The following CGB5 variants were observed in gnomAD, a reference collection of about 807,000 sequenced individuals.
The protein encoded by CGB5 is chorionic gonadotropin, beta polypeptide 5.
CGB5 carries 2 observed loss-of-function variants against 7.6 expected under a neutral mutation model. The ratio of observed to expected loss-of-function variants is 0.26; its 90% CI spans 0.11 to 0.83. CGB5 has a LOEUF of 0.83. Among genes scored for constraint, CGB5 ranks in the 40% least tolerant of loss-of-function variants. The pLI, the probability that CGB5 is intolerant of heterozygous loss-of-function variation, is 0.65. For missense variants in CGB5, 48 were observed against 228.2 expected (o/e 0.21, Z 5.09); for synonymous variants, 25 against 99.8 (o/e 0.25, Z 4.47).
At position 49,044,051 on chromosome 19, in the gene CGB5, G is replaced by A. The variant is rs1387407872; in HGVS notation, c.-159G>A. The A allele has an allele frequency of 2.3e-5, 27 of 1,195,262 alleles. No individual in the cohort carries two copies. In the South Asian group the frequency reaches 2.3e-4, roughly 10 times the overall value. The allele number at this position is 1,195,262 out of a possible 1,614,324, so 74.0% of individuals were successfully genotyped here. A position where few individuals can be genotyped will look rare whatever the true frequency, so the allele number is the denominator to read the frequency against. On this transcript the variant is annotated 5_prime_UTR_variant, in exon 1 of 3. Coordinates refer to ENST00000301408, the MANE Select transcript of CGB5 (RefSeq NM_033043.2). ...TGAGAGGAGAGGGCTGGGGCGCTCCGCTGAGCCACTCCTGCGCCCCCCTGG... is the reference window on the plus strand; with the variant it reads ...TGAGAGGAGAGGGCTGGGGCGCTCCACTGAGCCACTCCTGCGCCCCCCTGG...
In CGB5 at chr19:49,044,960, C is replaced by G. The variant is rs753966120; in HGVS notation, c.184-20C>G. 6.4e-5 allele frequency: 102 copies of G among 1,590,356 alleles called. 1 individual carries two copies. Among genetic ancestry groups the G allele is most frequent in the Non-Finnish European group, 7.1e-5 (84 of 1,176,630 alleles). ...CTGGCCCCAGGCACATGCTCATTCC[C>G]CCACTCACACGGCTTCCAGACCCGC... On this transcript the variant is annotated intron_variant, in intron 2 of 2. Coordinates refer to ENST00000301408, the MANE Select transcript of CGB5 (RefSeq NM_033043.2).
chr19:49,044,071 C>G lies in CGB5; in HGVS notation c.-139C>G. 6.8e-7 allele frequency: 1 copy of G among 1,469,534 alleles called. No individual in the cohort carries two copies. The highest frequency in any genetic ancestry group is 9.4e-7 in the Non-Finnish European group (1 of 1,059,416). 91.0% of individuals were successfully genotyped at this position (1,469,534 alleles called of 1,614,324 possible). ...GCTCCGCTGAGCCACTCCTGCGCCC[C>G]CCTGGCCTTGTCTACCTCTTGCCCC... On this transcript the variant is annotated 5_prime_UTR_variant, in exon 1 of 3. Coordinates refer to ENST00000301408, the MANE Select transcript of CGB5 (RefSeq NM_033043.2).
chr19:49,044,424 G>C (rs62126047), intron 1 of CGB5, 153 bp from the exon 2 acceptor site: 1 of 941,510 alleles, frequency 1.1e-6, no homozygotes, highest in Non-Finnish European at 1.3e-6. Flanking sequence ...TGTGGGGTGG[G>C]CTCTGAAAGG....
At position 49,043,973 on chromosome 19, in the gene CGB5, G is replaced by C. The variant is rs1600229598; in HGVS notation, c.-237G>C. ...CTAGTCCCTAGCACTCGACGACTGA[G>C]TCTCTGAGATCACTTCACCGTGGTC... is the stretch of plus-strand genomic sequence containing the variant. On this transcript the variant is annotated 5_prime_UTR_variant, in exon 1 of 3. Coordinates refer to ENST00000301408, the MANE Select transcript of CGB5 (RefSeq NM_033043.2). The C allele has an allele frequency of 1.6e-5, 20 of 1,230,782 alleles. No individual in the cohort carries two copies. Among genetic ancestry groups the C allele is most frequent in the Non-Finnish European group, 2.2e-5 (20 of 905,164 alleles). The allele number at this position is 1,230,782 out of a possible 1,614,324, so 76.2% of individuals were successfully genotyped here.
Position 49,044,155 on chromosome 19 carries a change from C to T in CGB5, c.-55C>T, listed in dbSNP as rs1439829952. ...CTACAACCTCCTGGTGGCCTTGCCG[C>T]CCCCACAACCCCGAGGTATAAAGCC... On this transcript the variant is annotated 5_prime_UTR_variant, in exon 1 of 3. Transcript: ENST00000301408. 11 of 1,613,792 alleles carry T rather than the reference C, an allele frequency of 6.8e-6. No homozygotes were observed. Among genetic ancestry groups the T allele is most frequent in the East Asian group, 4.5e-5 (2 of 44,890 alleles).
At position 49,044,165 on chromosome 19, in the gene CGB5, C is replaced by T. The variant is rs763467014; in HGVS notation, c.-45C>T. On this transcript the variant is annotated 5_prime_UTR_variant, in exon 1 of 3. Transcript: ENST00000301408. ...CTGGTGGCCTTGCCGCCCCCACAACCCCGAGGTATAAAGCCAGGTACACGA... is the reference window on the plus strand; with the variant it reads ...CTGGTGGCCTTGCCGCCCCCACAACTCCGAGGTATAAAGCCAGGTACACGA... The T allele has an allele frequency of 6.2e-7, 1 of 1,613,840 alleles. No homozygotes were observed.
chr19:49,044,161 CA>C lies in CGB5; in HGVS notation c.-47del, dbSNP rs755636942. ...CCTCCTGGTGGCCTTGCCGCCCCCA[CA>C]ACCCCGAGGTATAAAGCCAGGTACA... On this transcript the variant is annotated 5_prime_UTR_variant, in exon 1 of 3. Coordinates refer to ENST00000301408, the MANE Select transcript of CGB5 (RefSeq NM_033043.2). 1 of 1,613,850 alleles carries C rather than the reference CA, an allele frequency of 6.2e-7. No homozygotes were observed. The highest frequency in any genetic ancestry group is 1.3e-5 in the African/African-American group (1 of 74,914).
rs1014718309 is a variant in CGB5 at position 49,044,077 on chromosome 19, C to G, written c.-133C>G. 25 of 1,520,342 alleles carry G rather than the reference C, an allele frequency of 1.6e-5. No individual in the cohort carries two copies. The Admixed American group carries it at 4.1e-4, about 25-fold the overall frequency. The allele number at this position is 1,520,342 out of a possible 1,614,324, so 94.2% of individuals were successfully genotyped here. A position where few individuals can be genotyped will look rare whatever the true frequency, so the allele number is the denominator to read the frequency against. On this transcript the variant is annotated 5_prime_UTR_variant, in exon 1 of 3. Coordinates refer to ENST00000301408, the MANE Select transcript of CGB5 (RefSeq NM_033043.2). ...CTGAGCCACTCCTGCGCCCCCCTGGCCTTGTCTACCTCTTGCCCCCCGAAG... is the reference window on the plus strand; with the variant it reads ...CTGAGCCACTCCTGCGCCCCCCTGGGCTTGTCTACCTCTTGCCCCCCGAAG...
rs374178699 is a variant in CGB5 at position 49,045,309 on chromosome 19, G to T, written c.*15G>T. ...TCCCACAATAAAGGCTTCTCAATCCGCACTCTGGAGGTGTCTTTCTGTGGG... is the reference window on the plus strand; with the variant it reads ...TCCCACAATAAAGGCTTCTCAATCCTCACTCTGGAGGTGTCTTTCTGTGGG... On this transcript the variant is annotated 3_prime_UTR_variant, in exon 3 of 3. Coordinates refer to ENST00000301408, the MANE Select transcript of CGB5 (RefSeq NM_033043.2). 9 of 1,611,140 alleles carry T rather than the reference G, an allele frequency of 5.6e-6. No homozygotes were observed. Among genetic ancestry groups the T allele is most frequent in the Non-Finnish European group, 7.6e-6 (9 of 1,179,662 alleles).
In CGB5 at chr19:49,043,982, A is replaced by G. The variant is rs62126046; in HGVS notation, c.-228A>G. Reference sequence around the variant, plus strand: ...AGCACTCGACGACTGAGTCTCTGAGATCACTTCACCGTGGTCTCCGCCTCA... The same window carrying G: ...AGCACTCGACGACTGAGTCTCTGAGGTCACTTCACCGTGGTCTCCGCCTCA... On this transcript the variant is annotated 5_prime_UTR_variant, in exon 1 of 3. Transcript: ENST00000301408. 122,998 of 1,131,322 alleles carry G rather than the reference A, an allele frequency of 0.11. 7,130 individuals carry two copies. The highest frequency in any genetic ancestry group is 0.17 in the Admixed American group (5,853 of 35,182). 70.1% of individuals were successfully genotyped at this position (1,131,322 alleles called of 1,614,324 possible).
intron 2 of CGB5, 99 bp from the exon 3 acceptor site, chr19:49,044,881 C>T (rs1399068882): frequency 7.0e-6 from 11 of 1,570,520 alleles, no homozygotes; most frequent in Non-Finnish European, 9.4e-6. Context: ...AGAGGGCTTC[C>T]CGGACCCCTG....
chr19:49,043,931 T>A lies in CGB5; in HGVS notation c.-279T>A, dbSNP rs1475488107. On this transcript the variant is annotated 5_prime_UTR_variant, in exon 1 of 3. Coordinates refer to ENST00000301408, the MANE Select transcript of CGB5 (RefSeq NM_033043.2). ...GCAGGCCTTCCTACACCCTACTCCCTGTGCCTCCAGGCTCGACTAGTCCCT... is the reference window on the plus strand; with the variant it reads ...GCAGGCCTTCCTACACCCTACTCCCAGTGCCTCCAGGCTCGACTAGTCCCT... The A allele has an allele frequency of 7.7e-5, 90 of 1,164,620 alleles. No homozygotes were observed. In the South Asian group the frequency reaches 8.5e-4, roughly 11 times the overall value. 72.1% of individuals were successfully genotyped at this position (1,164,620 alleles called of 1,614,324 possible). A position where few individuals can be genotyped will look rare whatever the true frequency, so the allele number is the denominator to read the frequency against.
chr19:49,044,098 C>A lies in CGB5; in HGVS notation c.-112C>A. ...CTGGCCTTGTCTACCTCTTGCCCCC[C>A]GAAGGGTTAGTGTCGAGCTCACCCC... On this transcript the variant is annotated 5_prime_UTR_variant, in exon 1 of 3. Coordinates refer to ENST00000301408, the MANE Select transcript of CGB5 (RefSeq NM_033043.2). 4 of 1,605,128 alleles carry A rather than the reference C, an allele frequency of 2.5e-6. No homozygotes were observed. Among genetic ancestry groups the A allele is most frequent in the African/African-American group, 1.3e-5 (1 of 74,532 alleles).
At position 49,044,214 on chromosome 19, in the gene CGB5, A is replaced by C; in HGVS notation, c.5A>C (p.Glu2Ala). The C allele has an allele frequency of 6.2e-7, 1 of 1,613,526 alleles. No homozygotes were observed. Among genetic ancestry groups the C allele is most frequent in the Non-Finnish European group, 8.5e-7 (1 of 1,179,826 alleles). The change falls in exon 1 of 3, where the codon GAG becomes GCG. Residue 2 changes from glutamate to alanine, a missense_variant. Glu to Ala is a moderately radical substitution (Grantham distance 107, BLOSUM62 -1). Transcript: ENST00000301408. The stretch of plus-strand genomic sequence containing the variant: ...GAGGCAGGGGACGCACCAAGGATGG[A>C]GATGTTCCAGGTAAGACTGCAGGGC... M[E>A]MFQGLLLLLL...
intron 1 of CGB5, 159 bp downstream of exon 1, chr19:49,044,383 G>C (rs397842424): frequency 3.1e-6 from 3 of 983,062 alleles, no homozygotes; most frequent in South Asian, 9.4e-5. Flanking sequence ...GTGGGGATCT[G>C]AAATTTTGGG....
At position 49,044,923 on chromosome 19, in the gene CGB5, T is replaced by C. The variant is rs560239884; in HGVS notation, c.184-57T>C. ...AGACCTGTGGGGGCAACTGGGGAGC[T>C]CAGCTGAGGCGCTGGCCCCAGGCAC... On this transcript the variant is annotated intron_variant, in intron 2 of 2. Transcript: ENST00000301408. The C allele has an allele frequency of 4.6e-5, 74 of 1,591,574 alleles. No individual in the cohort carries two copies. In the East Asian group the frequency reaches 1.6e-3, roughly 34 times the overall value.
chr19:49,045,242 C>T lies in CGB5; in HGVS notation c.446C>T (p.Pro149Leu), dbSNP rs771947102. 9.3e-6 allele frequency: 15 copies of T among 1,605,394 alleles called. No individual in the cohort carries two copies. The highest frequency in any genetic ancestry group is 1.3e-5 in the Non-Finnish European group (15 of 1,176,774). Residue 149 changes from proline (P) to leucine (L), a missense_variant, in exon 3 of 3, where the codon CCA becomes CTA. By Grantham distance (98) the Pro-to-Leu change is moderately conservative. Coordinates refer to ENST00000301408, the MANE Select transcript of CGB5 (RefSeq NM_033043.2). ...SSSKAPPPSL[P>L]SPSRLPGPSD... The stretch of plus-strand genomic sequence containing the variant: ...TCAAAGGCCCCTCCCCCCAGCCTTC[C>T]AAGTCCATCCCGACTCCCGGGGCCC...
intron 1 of CGB5, 106 bp downstream of exon 1, chr19:49,044,330 G>A (rs748980858): frequency 1.0e-5 from 16 of 1,607,884 alleles, no homozygotes; most frequent in Admixed American, 3.3e-5. Context: ...CTTTCTGGAG[G>A]AGCGTGACCC....
rs2039913788 is a variant in CGB5, at chr19:49,044,171, G to T, written c.-39G>T. 2.5e-6 allele frequency: 4 copies of T among 1,613,814 alleles called. No individual in the cohort carries two copies. The highest frequency in any genetic ancestry group is 2.2e-5 in the East Asian group (1 of 44,880). ...GCCTTGCCGCCCCCACAACCCCGAGGTATAAAGCCAGGTACACGAGGCAGG... is the reference window on the plus strand; with the variant it reads ...GCCTTGCCGCCCCCACAACCCCGAGTTATAAAGCCAGGTACACGAGGCAGG... On this transcript the variant is annotated 5_prime_UTR_variant, in exon 1 of 3. Transcript: ENST00000301408.
Sources: allele counts gnomAD v4.1 joint callset, GRCh38; gene constraint gnomAD v4.1.1; transcripts MANE v1.5; gene names NCBI Gene and HGNC (gene_info 2026-07-23, HGNC 2026-07-21).